Variants in CCDC13 observed in about 807,000 individuals in gnomAD.
The protein encoded by CCDC13 is coiled-coil domain containing 13, also known as coiled-coil domain-containing protein 13.
Under a neutral mutation model 87.3 loss-of-function variants are expected in CCDC13, and 70 were observed. The ratio of observed to expected loss-of-function variants is 0.80; its 90% CI spans 0.66 to 0.98. The LOEUF (loss-of-function observed/expected upper bound fraction) is 0.98, where lower values mean the gene tolerates loss of function less well. Ranked by LOEUF, CCDC13 falls within the 50% of genes least tolerant of loss-of-function variation. The pLI is 0.00. For missense variants in CCDC13, 842 were observed against 892.0 expected (o/e 0.94, Z 0.71); for synonymous variants, 317 against 360.3 (o/e 0.88, Z 1.36).
intron 1 of CCDC13, among the ~76,000 whole-genome samples, chr3:42,768,447 A>G (rs923282671): frequency 6.6e-6 from 1 of 152,248 alleles, no homozygotes; most frequent in African/African-American, 2.4e-5. Flanking sequence ...CTGTAATCCC[A>G]GCACTTTAGG....
Position 42,758,281 on chromosome 3 carries a change from T to C in CCDC13, c.65A>G (p.Gln22Arg), listed in dbSNP as rs1490959544. ...RLQFKAMQEM[Q>R]HKRLQKQMEK... ...CATCTGCTTCTGTAACCGTTTGTGC[T>C]GCATCTCCTGCATTGCCTTGAACTG... Residue 22 changes from glutamine to arginine, a missense_variant, in exon 2 of 16, where the codon CAG becomes CGG. Coordinates refer to ENST00000310232, the MANE Select transcript of CCDC13 (RefSeq NM_144719.4). The C allele has an allele frequency of 6.2e-7, 1 of 1,613,592 alleles. No individual in the cohort carries two copies. Among genetic ancestry groups the C allele is most frequent in the Non-Finnish European group, 8.5e-7 (1 of 1,180,030 alleles).
At chr3:42,716,768 AG>A (rs1308272583) in intron 13 of CCDC13, among the ~76,000 whole-genome samples, 1 of 152,242 alleles carries the variant, frequency 6.6e-6, no homozygotes, top group East Asian at 1.9e-4. Flanking sequence ...ATTGTGGAAA[AG>A]TTTGGTGGCT....
chr3:42,770,889 A>C (rs1700066249), intron 1 of CCDC13: 1 of 152,478 alleles, frequency 6.6e-6, no homozygotes, highest in Non-Finnish European at 1.5e-5. Flanking sequence ...GAAACTCTGA[A>C]CACATCTTGA....
intron 7 of CCDC13, chr3:42,745,220 A>C (rs1699360571): frequency 6.6e-6 from 1 of 152,248 alleles, no homozygotes; most frequent in South Asian, 2.1e-4. Flanking sequence ...CTCAGTTTGA[A>C]GGGACAAAGG....
chr3:42,747,573 G>A (rs1035639624), intron 5 of CCDC13, among the ~76,000 whole-genome samples, 200 bp from the exon 6 acceptor site: 1 of 152,224 alleles, frequency 6.6e-6, no homozygotes, highest in Non-Finnish European at 1.5e-5. Context: ...GTGGTGGAAG[G>A]TAAGTCCTCT....
intron 13 of CCDC13, among the ~76,000 whole-genome samples, chr3:42,722,791 CTTTT>C (rs956889825): frequency 3.7e-5 from 4 of 109,098 alleles, no homozygotes; most frequent in African/African-American, 1.4e-4. Flanking sequence ...TATTCCTTTA[CTTTT>C]TTTTTTTTTT....
At chr3:42,768,146 G>A (rs569884531) in intron 1 of CCDC13, among the ~76,000 whole-genome samples, 1 of 152,204 alleles carries the variant, frequency 6.6e-6, no homozygotes, top group African/African-American at 2.4e-5. Flanking sequence ...CTGGAACAAC[G>A]AATATCCATA....
rs569427780 is a variant in CCDC13, at chr3:42,709,463, T to C, written c.1988+221A>G. On this transcript the variant is annotated intron_variant, in intron 15 of 15. Transcript: ENST00000310232. ...AACTGGTTCAGTGATCCATGCTTGA[T>C]AAAATTTCTCTTGGACTATGGGTCA... Among the ~76,000 whole-genome samples, 6 of 152,316 alleles carry C rather than the reference T, an allele frequency of 3.9e-5. No individual in the cohort carries two copies. The East Asian group carries it at 1.2e-3, about 29-fold the overall frequency.
rs556430898 is a variant in CCDC13 at position 42,727,084 on chromosome 3, TA to T, written c.1718+3382del. 4.9e-3 allele frequency among the ~76,000 whole-genome samples: 744 copies of T among 152,164 alleles called. 7 individuals are homozygous for T. The highest frequency in any genetic ancestry group is 0.017 in the African/African-American group (717 of 41,538). ...CAGGCAAAATAAAGACATTTAAAAA[TA>T]AACAGGCCAGGCGTGGTGGCTCATG... On this transcript the variant is annotated intron_variant, in intron 13 of 15. Coordinates refer to ENST00000310232, the MANE Select transcript of CCDC13 (RefSeq NM_144719.4).
intron 13 of CCDC13, among the ~76,000 whole-genome samples, chr3:42,717,788 T>C: frequency 6.6e-6 from 1 of 152,132 alleles, no homozygotes; most frequent in East Asian, 1.9e-4. Context: ...ATCTGATGCA[T>C]GGGATCCTTT....
intron 9 of CCDC13, among the ~76,000 whole-genome samples, chr3:42,739,404 T>A (rs563703537): frequency 6.6e-6 from 1 of 152,238 alleles, no homozygotes; most frequent in Admixed American, 6.5e-5. Flanking sequence ...CAGTGCCTTG[T>A]GCCTGGTGCT....
At chr3:42,726,969 A>G (rs541274908) in intron 13 of CCDC13, among the ~76,000 whole-genome samples, 13 of 152,348 alleles carry the variant, frequency 8.5e-5, no homozygotes, top group Non-Finnish European at 1.5e-4. Flanking sequence ...AGATGATAAA[A>G]AACAATAGGA....
chr3:42,731,993 G>A (rs971388289), intron 12 of CCDC13, among the ~76,000 whole-genome samples: 4 of 152,204 alleles, frequency 2.6e-5, no homozygotes, highest in East Asian at 1.9e-4. Flanking sequence ...GAAGGGGCTC[G>A]AAGGGGTCAT....
chr3:42,766,623 A>AC (rs1553694173), intron 1 of CCDC13, among the ~76,000 whole-genome samples: 6 of 150,594 alleles, frequency 4.0e-5, no homozygotes, highest in Admixed American at 6.6e-5. Flanking sequence ...AAAAAAAAAA[A>AC]CAACCAACCA....
At chr3:42,710,177 T>TCAGCTCACAGCTCA (rs1698277057) in intron 14 of CCDC13, among the ~76,000 whole-genome samples, 1 of 150,956 alleles carries the variant, frequency 6.6e-6, no homozygotes, top group African/African-American at 2.4e-5. Flanking sequence ...TAGCGTGATC[T>TCAGCTCACAGCTCA]CAGCTCACAG....
At chr3:42,752,554 A>G (rs973425414) in intron 4 of CCDC13, 21 bp downstream of exon 4, 3 of 1,613,920 alleles carry the variant, frequency 1.9e-6, no homozygotes, top group Non-Finnish European at 2.5e-6. Context: ...CTCCAGAGGG[A>G]GAATGACCAA....
intron 1 of CCDC13, among the ~76,000 whole-genome samples, 164 bp downstream of exon 1, chr3:42,773,012 G>A (rs1248607778): frequency 1.3e-5 from 2 of 152,220 alleles, no homozygotes; most frequent in African/African-American, 4.8e-5. Flanking sequence ...AAGATTCAAA[G>A]GACGAAGGGG....
chr3:42,750,880 G>A (rs747182980), intron 5 of CCDC13, among the ~76,000 whole-genome samples: 56 of 152,338 alleles, frequency 3.7e-4, no homozygotes, highest in Admixed American at 2.0e-3. Flanking sequence ...TGCTCAATGC[G>A]TGGAATAAAC....
intron 10 of CCDC13, among the ~76,000 whole-genome samples, chr3:42,735,236 G>A (rs1336717048): frequency 2.0e-5 from 3 of 152,260 alleles, no homozygotes; most frequent in African/African-American, 7.2e-5. Context: ...GGAGTGCGGA[G>A]CAAGCAGGAG....
Sources: gnomAD v4.1 joint callset for allele counts (sites outside exome capture counted in the v4.1 genomes callset) on GRCh38, gnomAD v4.1.1 for gene constraint, MANE v1.5 for transcripts, NCBI Gene and HGNC (gene_info 2026-07-23, HGNC 2026-07-21) for gene names.